The following PARN variants were observed in gnomAD, a reference collection of about 807,000 sequenced individuals.
The protein encoded by PARN is poly(A)-specific ribonuclease.
A neutral mutation model predicts 102.8 loss-of-function variants in PARN; 71 were observed. The ratio of observed to expected loss-of-function variants is 0.69; its 90% CI spans 0.57 to 0.84. The LOEUF (loss-of-function observed/expected upper bound fraction) is 0.84. PARN is among the 40% of genes least tolerant of loss of function. The pLI, the probability that PARN is intolerant of heterozygous loss-of-function variation, is 0.00. For synonymous variants in PARN, 261 were observed against 252.9 expected (o/e 1.03, Z -0.30); for missense variants, 782 against 760.9 (o/e 1.03, Z -0.33).
At chr16:14,608,344 T>C in intron 8 of PARN, 25 bp from the exon 9 acceptor site, 2 of 1,473,346 alleles carry the variant, frequency 1.4e-6, no homozygotes, top group Non-Finnish European at 1.8e-6. Context: ...GAAAAGGTAT[T>C]GATTTTGGCT....
intron 21 of PARN, among the ~76,000 whole-genome samples, chr16:14,547,005 A>G (rs1966987136): frequency 6.6e-6 from 1 of 151,840 alleles, no homozygotes; most frequent in Non-Finnish European, 1.5e-5. Flanking sequence ...AGGCAGGAGA[A>G]TTGCTTGAAC....
chr16:14,536,295 C>A (rs2068439704), intron 21 of PARN, among the ~76,000 whole-genome samples: 2 of 152,244 alleles, frequency 1.3e-5, no homozygotes, highest in South Asian at 4.1e-4. Context: ...TACGAGAAAA[C>A]AATGTCAACA....
At chr16:14,507,518 A>G (rs1964958998) in intron 21 of PARN, among the ~76,000 whole-genome samples, 2 of 151,620 alleles carry the variant, frequency 1.3e-5, no homozygotes, top group Admixed American at 1.3e-4. Flanking sequence ...CCAACATGGC[A>G]AAACCGTCTC....
chr16:14,486,633 G>T lies in PARN; in HGVS notation c.1481-3806C>A, dbSNP rs185521960. ...TAAAAGGGGAAATAAATAACAGTCC[G>T]CTTTTCACTGCTGGCCTCCACGTGG... On this transcript the variant is annotated intron_variant, in intron 21 of 23. Coordinates refer to ENST00000437198, the MANE Select transcript of PARN (RefSeq NM_002582.4). 2.0e-5 allele frequency among the ~76,000 whole-genome samples: 3 copies of T among 152,318 alleles called. No individual in the cohort carries two copies. In the East Asian group the frequency reaches 5.8e-4, roughly 29 times the overall value.
chr16:14,598,184 G>A (rs770683421), intron 12 of PARN, among the ~76,000 whole-genome samples: 39 of 151,892 alleles, frequency 2.6e-4, no homozygotes, highest in Admixed American at 1.8e-3. Flanking sequence ...TGGGATTTAC[G>A]CATCTTATTT....
intron 18 of PARN, among the ~76,000 whole-genome samples, chr16:14,558,898 C>A (rs937636544): frequency 5.9e-5 from 9 of 152,092 alleles, no homozygotes; most frequent in African/African-American, 2.2e-4. Flanking sequence ...ACTTTAAAGG[C>A]TACCAGAACT....
At chr16:14,565,344 G>C (rs867348607) in intron 18 of PARN, among the ~76,000 whole-genome samples, 1 of 149,960 alleles carries the variant, frequency 6.7e-6, no homozygotes. Flanking sequence ...CAAATAGAGC[G>C]TTACTCAACA....
chr16:14,627,311 T>G lies in PARN; in HGVS notation c.203A>C (p.Gln68Pro). The G allele has an allele frequency of 6.3e-7, 1 of 1,592,682 alleles. No individual in the cohort carries two copies. The highest frequency in any genetic ancestry group is 2.3e-5 in the East Asian group (1 of 44,418). Residue 68 changes from glutamine (Q) to proline (P), a missense_variant, in exon 4 of 24, where the codon CAG (glutamine) becomes CCG (proline). Transcript: ENST00000437198. ...ATACTTAAAAGTGCAAAGGCCAAAC[T>G]GAAATAGCAAAAAGTCCATGGAATG... is the stretch of plus-strand genomic sequence containing the variant. ...KKHSMDFLLF[Q>P]FGLCTFKYDY...
intron 18 of PARN, among the ~76,000 whole-genome samples, chr16:14,569,412 C>T (rs910521710): frequency 1.3e-5 from 2 of 152,126 alleles, no homozygotes; most frequent in South Asian, 2.1e-4. Context: ...TTATGATCTA[C>T]AGTTGAAAGA....
chr16:14,560,315 G>A (rs921220559), intron 18 of PARN, among the ~76,000 whole-genome samples: 10 of 152,200 alleles, frequency 6.6e-5, no homozygotes, highest in African/African-American at 2.4e-4. Context: ...ACACTTGCAC[G>A]AAACGTTCTT....
In PARN at chr16:14,588,559, C is replaced by T. The variant is rs1222311542; in HGVS notation, c.919-2198G>A. On this transcript the variant is annotated intron_variant, in intron 13 of 23. Transcript: ENST00000437198. Reference sequence around the variant, plus strand: ...CAGAATTAAATACATTTTCCTCTTGCCTTGCTGATAACTTCATTGCTTTAA... The same window carrying T: ...CAGAATTAAATACATTTTCCTCTTGTCTTGCTGATAACTTCATTGCTTTAA... Among the ~76,000 whole-genome samples the T allele has an allele frequency of 2.0e-5, 3 of 152,282 alleles. No individual in the cohort carries two copies. In the East Asian group the frequency reaches 5.8e-4, roughly 29 times the overall value.
At chr16:14,453,608 A>G (rs140014580) in intron 22 of PARN, among the ~76,000 whole-genome samples, 1 of 152,322 alleles carries the variant, frequency 6.6e-6, no homozygotes, top group East Asian at 1.9e-4. Flanking sequence ...CTCAATCCAC[A>G]TTGTCACAGC....
intron 18 of PARN, among the ~76,000 whole-genome samples, chr16:14,556,667 T>C (rs1439704775): frequency 6.6e-6 from 1 of 152,232 alleles, no homozygotes; most frequent in African/African-American, 2.4e-5. Flanking sequence ...GCTGTCGTGT[T>C]AGTCCAAGTA....
chr16:14,545,523 G>A (rs1966884523), intron 21 of PARN, among the ~76,000 whole-genome samples: 1 of 152,166 alleles, frequency 6.6e-6, no homozygotes, highest in Admixed American at 6.5e-5. Context: ...AACTAACGCA[G>A]TACTTAGAGG....
At chr16:14,519,866 G>A (rs1965648652) in intron 21 of PARN, among the ~76,000 whole-genome samples, 2 of 152,192 alleles carry the variant, frequency 1.3e-5, no homozygotes, top group East Asian at 1.9e-4. Flanking sequence ...AAAAAGGCAT[G>A]CTAGAATTAC....
chr16:14,512,458 A>G (rs983986498), intron 21 of PARN, among the ~76,000 whole-genome samples: 1 of 152,142 alleles, frequency 6.6e-6, no homozygotes, highest in African/African-American at 2.4e-5. Context: ...ACACCACTGC[A>G]CTTCAGCCTG....
At chr16:14,469,127 G>A (rs1454418504) in intron 22 of PARN, among the ~76,000 whole-genome samples, 14 of 151,812 alleles carry the variant, frequency 9.2e-5, no homozygotes, top group Admixed American at 7.2e-4. Context: ...GTGAAACTCG[G>A]TCTCTACTAA....
chr16:14,477,252 C>T (rs1740658929), intron 22 of PARN, among the ~76,000 whole-genome samples: 1 of 151,458 alleles, frequency 6.6e-6, no homozygotes, highest in South Asian at 2.1e-4. Context: ...CCAGCCTGGC[C>T]AACAGAGCGA....
At chr16:14,602,502 A>C (rs549638569) in intron 11 of PARN, among the ~76,000 whole-genome samples, 5 of 152,282 alleles carry the variant, frequency 3.3e-5, no homozygotes, top group Admixed American at 1.3e-4. Flanking sequence ...AAACCTCATC[A>C]GGTCAAAACC....
Sources: allele counts gnomAD v4.1 joint callset (sites outside exome capture counted in the v4.1 genomes callset), GRCh38; gene constraint gnomAD v4.1.1; transcripts MANE v1.5; gene names NCBI Gene and HGNC (gene_info 2026-07-23, HGNC 2026-07-21).